Variants in TNR observed in about 807,000 individuals in gnomAD.
TNR encodes tenascin R.
A neutral mutation model predicts 150.4 loss-of-function variants in TNR; 45 were observed. The observed-to-expected ratio is 0.30, with a 90% confidence interval of 0.24 to 0.38. The LOEUF (loss-of-function observed/expected upper bound fraction) is 0.38. Ranked by LOEUF, TNR falls within the 10% of genes least tolerant of loss-of-function variation. The pLI, the probability that TNR is intolerant of heterozygous loss-of-function variation, is 1.00. For synonymous variants in TNR, 687 were observed against 678.4 expected, an observed-to-expected ratio of 1.01 and a Z score of -0.20; for missense variants, 1,544 against 1,759.1, an observed-to-expected ratio of 0.88 and a Z score of 2.19.
chr1:175,558,957 T>G (rs891120870), intron 1 of TNR, among the ~76,000 whole-genome samples: 4 of 152,206 alleles, frequency 2.6e-5, no homozygotes, highest in Non-Finnish European at 5.9e-5. Flanking sequence ...TCATCAATTA[T>G]AACATATGTG....
intron 1 of TNR, among the ~76,000 whole-genome samples, chr1:175,668,693 G>A (rs972134000): frequency 3.9e-5 from 6 of 152,088 alleles, no homozygotes; most frequent in Non-Finnish European, 8.8e-5. Flanking sequence ...TACCGTGACC[G>A]GCACCATGCT....
chr1:175,402,102 T>C (rs1439884114), intron 4 of TNR, among the ~76,000 whole-genome samples: 1 of 150,426 alleles, frequency 6.6e-6, no homozygotes, highest in Non-Finnish European at 1.5e-5. Flanking sequence ...GGTCAGGAGA[T>C]CGAGACCATC....
intron 1 of TNR, among the ~76,000 whole-genome samples, chr1:175,733,356 T>C (rs1667691730): frequency 6.6e-6 from 1 of 151,962 alleles, no homozygotes. Flanking sequence ...GAGAGACAGG[T>C]CTCTGCACTT....
intron 1 of TNR, among the ~76,000 whole-genome samples, chr1:175,622,532 G>C (rs963791221): frequency 1.3e-5 from 2 of 152,116 alleles, no homozygotes; most frequent in African/African-American, 4.8e-5. Context: ...CCTCTAGCCC[G>C]ATATCCACGT....
At chr1:175,552,327 C>A (rs1660976635) in intron 1 of TNR, among the ~76,000 whole-genome samples, 1 of 152,214 alleles carries the variant, frequency 6.6e-6, no homozygotes, top group South Asian at 2.1e-4. Context: ...GCATATACCT[C>A]CAGTTCCTTC....
At chr1:175,560,004 T>G (rs1463145024) in intron 1 of TNR, among the ~76,000 whole-genome samples, 1 of 152,250 alleles carries the variant, frequency 6.6e-6, no homozygotes, top group Non-Finnish European at 1.5e-5. Flanking sequence ...AGACTACATC[T>G]AGCAGTGGTC....
chr1:175,716,347 A>G (rs537573819), intron 1 of TNR, among the ~76,000 whole-genome samples: 27 of 152,150 alleles, frequency 1.8e-4, no homozygotes, highest in Middle Eastern at 3.4e-3. Flanking sequence ...AGACATCTCA[A>G]ATCCAAACCT....
chr1:175,359,555 G>T, intron 15 of TNR, 57 bp downstream of exon 15: 10 of 1,611,644 alleles, frequency 6.2e-6, no homozygotes, highest in Non-Finnish European at 8.5e-6. Context: ...ATACTGGTCT[G>T]CAGCTCCAAT....
At chr1:175,489,291 G>A (rs1658143112) in intron 2 of TNR, among the ~76,000 whole-genome samples, 1 of 152,176 alleles carries the variant, frequency 6.6e-6, no homozygotes, top group South Asian at 2.1e-4. Context: ...CATAACTCAT[G>A]TGGTCCCCAG....
intron 1 of TNR, among the ~76,000 whole-genome samples, chr1:175,685,321 A>C (rs1342665406): frequency 6.6e-6 from 1 of 152,162 alleles, no homozygotes; most frequent in Non-Finnish European, 1.5e-5. Context: ...CTGACCTGTG[A>C]CCTTTCTCCA....
chr1:175,600,901 C>A (rs1663207346), intron 1 of TNR, among the ~76,000 whole-genome samples: 2 of 152,162 alleles, frequency 1.3e-5, no homozygotes, highest in South Asian at 4.1e-4. Flanking sequence ...CAGAGGAACT[C>A]CTGAGTTTGT....
chr1:175,430,672 G>A (rs1190841178), intron 2 of TNR, among the ~76,000 whole-genome samples: 1 of 152,182 alleles, frequency 6.6e-6, no homozygotes, highest in South Asian at 2.1e-4. Context: ...TCCTTCCACT[G>A]TAGAACCTTC....
intron 9 of TNR, among the ~76,000 whole-genome samples, chr1:175,375,633 C>A (rs781034098): frequency 1.3e-5 from 2 of 152,048 alleles, no homozygotes; most frequent in Non-Finnish European, 2.9e-5. Flanking sequence ...GATTCCACAA[C>A]AAAGAGGAAA....
chr1:175,738,738 C>T (rs560814716), intron 1 of TNR, among the ~76,000 whole-genome samples: 1 of 152,306 alleles, frequency 6.6e-6, no homozygotes, highest in East Asian at 1.9e-4. Context: ...TTTACCAATA[C>T]AGTCGTAATT....
At chr1:175,686,789 G>A (rs1392588312) in intron 1 of TNR, among the ~76,000 whole-genome samples, 1 of 152,146 alleles carries the variant, frequency 6.6e-6, no homozygotes, top group East Asian at 1.9e-4. Context: ...ATGACCTCCA[G>A]CTGCATCCAT....
At chr1:175,437,202 T>G (rs1466813389) in intron 2 of TNR, among the ~76,000 whole-genome samples, 1 of 152,138 alleles carries the variant, frequency 6.6e-6, no homozygotes, top group Non-Finnish European at 1.5e-5. Context: ...GCAATCAAAC[T>G]AGAACTCAGG....
intron 6 of TNR, 89 bp downstream of exon 6, chr1:175,393,691 G>A: frequency 9.8e-7 from 1 of 1,018,464 alleles, no homozygotes; most frequent in Non-Finnish European, 1.6e-6. Flanking sequence ...GAGATATTGG[G>A]TAGCACTTTC....
At chr1:175,522,923 C>T (rs544328331) in intron 2 of TNR, among the ~76,000 whole-genome samples, 6 of 152,208 alleles carry the variant, frequency 3.9e-5, no homozygotes, top group Non-Finnish European at 8.8e-5. Context: ...ACCAGAAATA[C>T]GGGTCCTGCC....
chr1:175,717,623 A>T (rs1017848289), intron 1 of TNR, among the ~76,000 whole-genome samples: 6 of 152,234 alleles, frequency 3.9e-5, no homozygotes, highest in Admixed American at 3.9e-4. Flanking sequence ...ATTTCAAATT[A>T]GAAAGTCAAT....
Sources: gnomAD v4.1 joint callset for allele counts (sites outside exome capture counted in the v4.1 genomes callset) on GRCh38, gnomAD v4.1.1 for gene constraint, MANE v1.5 for transcripts, NCBI Gene and HGNC (gene_info 2026-07-23, HGNC 2026-07-21) for gene names.